Variants in NUP188 observed in about 807,000 individuals in gnomAD.
NUP188 encodes the protein nucleoporin 188.
Under a neutral mutation model 223.0 loss-of-function variants are expected in NUP188, and 97 were observed. That is an observed-to-expected ratio of 0.43 (90% CI 0.37 to 0.51). NUP188 has a LOEUF of 0.51. Among genes scored for constraint, NUP188 ranks in the 20% least tolerant of loss-of-function variants. The pLI is 0.00. For synonymous variants in NUP188, 869 were observed against 828.0 expected, an observed-to-expected ratio of 1.05 and a Z score of -0.85; for missense variants, 1,947 against 2,175.6, an observed-to-expected ratio of 0.89 and a Z score of 2.09.
intron 3 of NUP188, 121 bp downstream of exon 3, chr9:128,952,967 T>G: frequency 1.3e-6 from 1 of 798,180 alleles, no homozygotes; most frequent in East Asian, 2.6e-5. Flanking sequence ...ATAATACAAT[T>G]TAGTTTACCA....
chr9:128,998,667 T>C (rs1842575373), intron 32 of NUP188, 44 bp downstream of exon 32: 1 of 1,480,036 alleles, frequency 6.8e-7, no homozygotes, highest in East Asian at 2.3e-5. Context: ...CAGAGCCTTC[T>C]TGTCAGTGCC....
At chr9:128,999,831 C>A in intron 34 of NUP188, 26 bp downstream of exon 34, 1 of 1,607,588 alleles carries the variant, frequency 6.2e-7, no homozygotes, top group South Asian at 1.1e-5. Flanking sequence ...AGAAGGCCAT[C>A]CGTCCTTTCC....
At position 129,002,840 on chromosome 9, in the gene NUP188, C is replaced by T; in HGVS notation, c.4161C>T (p.Ser1387=). 1 of 1,614,156 alleles carries T rather than the reference C, an allele frequency of 6.2e-7. No individual in the cohort carries two copies. Among genetic ancestry groups the T allele is most frequent in the Non-Finnish European group, 8.5e-7 (1 of 1,180,026 alleles). The change falls in exon 37 of 44, where the codon TCC becomes TCT. Residue 1387 remains serine, a synonymous_variant. Coordinates refer to ENST00000372577, the MANE Select transcript of NUP188 (RefSeq NM_015354.3). ...TAQTPSASRK[S]LDAPSWPGVY... ...AGACACCTAGTGCCTCTCGGAAGTCCCTGGATGCCCCCTCTTGGCCAGGAG... is the reference window on the plus strand; with the variant it reads ...AGACACCTAGTGCCTCTCGGAAGTCTCTGGATGCCCCCTCTTGGCCAGGAG...
chr9:128,952,901 G>A (rs951852869), intron 3 of NUP188, 55 bp downstream of exon 3: 1 of 1,340,676 alleles, frequency 7.5e-7, no homozygotes, highest in African/African-American at 1.4e-5. Context: ...AGCTGACATG[G>A]ATAAAACCAT....
chr9:128,949,375 C>T (rs1312373795), intron 2 of NUP188, 132 bp downstream of exon 2: 8 of 645,540 alleles, frequency 1.2e-5, no homozygotes, highest in Non-Finnish European at 2.2e-5. Context: ...TCTTGTTTCC[C>T]AGGCTGGAGT....
chr9:128,984,157 G>A (rs1184897664), intron 19 of NUP188, among the ~76,000 whole-genome samples: 201 of 96,312 alleles, frequency 2.1e-3, no homozygotes, highest in African/African-American at 0.014. Context: ...ATGGAGTTGC[G>A]CTCTTGTTGC....
chr9:128,951,558 T>A (rs1841786934), intron 2 of NUP188, among the ~76,000 whole-genome samples: 2 of 152,060 alleles, frequency 1.3e-5, no homozygotes. Context: ...TATCAAACAT[T>A]AGAGGAATGG....
intron 39 of NUP188, 26 bp from the exon 40 acceptor site, chr9:129,005,277 C>T (rs762537137): frequency 6.2e-7 from 1 of 1,613,102 alleles, no homozygotes; most frequent in African/African-American, 1.3e-5. Flanking sequence ...TCCCAAGCTC[C>T]ACCTTCATTT....
At chr9:128,964,025 A>G (rs1182699446) in intron 8 of NUP188, among the ~76,000 whole-genome samples, 2 of 152,036 alleles carry the variant, frequency 1.3e-5, no homozygotes, top group South Asian at 2.1e-4. Context: ...CGTGTTAGCC[A>G]GGATGGTCTC....
intron 13 of NUP188, among the ~76,000 whole-genome samples, chr9:128,980,367 A>G (rs538138480): frequency 1.3e-5 from 2 of 152,362 alleles, no homozygotes; most frequent in South Asian, 4.1e-4. Flanking sequence ...TCCCATAGAA[A>G]GGATGGCTGG....
chr9:128,999,522 C>G, intron 33 of NUP188, 102 bp from the exon 34 acceptor site: 2 of 1,275,804 alleles, frequency 1.6e-6, no homozygotes, highest in Non-Finnish European at 1.1e-6. Context: ...TCCCTCCTAG[C>G]GCCCTAGTAC....
At position 128,986,424 on chromosome 9, in the gene NUP188, C is replaced by G. The variant is rs576909390; in HGVS notation, c.2077-134C>G. On this transcript the variant is annotated intron_variant, in intron 20 of 43. Coordinates refer to ENST00000372577, the MANE Select transcript of NUP188 (RefSeq NM_015354.3). ...CTATAAAGTAGGACTTTTGATGTTT[C>G]TTTTTTTTCATTGATGACCAAGGTT... is the stretch of plus-strand genomic sequence containing the variant. The G allele has an allele frequency of 2.2e-5, 21 of 938,600 alleles. No homozygotes were observed. In the African/African-American group the frequency reaches 3.0e-4, roughly 13 times the overall value. The allele number at this position is 938,600 out of a possible 1,614,324, so 58.1% of individuals were successfully genotyped here. A position where few individuals can be genotyped will look rare whatever the true frequency, so the allele number is the denominator to read the frequency against.
At position 128,979,320 on chromosome 9, in the gene NUP188, G is replaced by C; in HGVS notation, c.1262G>C (p.Trp421Ser). Reference protein sequence around the residue: ...LADPSLPELFWGTEPTSGLGI... With the variant: ...LADPSLPELFSGTEPTSGLGI... ...GACCCTTCTCTTCCGGAACTGTTCT[G>C]GGGAACAGTAAGTATGTCAGAGAGA... The change falls in exon 13 of 44, where the codon TGG becomes TCG. Residue 421 changes from tryptophan to serine, a missense_variant. By Grantham distance (177) the Trp-to-Ser change is radical (BLOSUM62 -3). Coordinates refer to ENST00000372577, the MANE Select transcript of NUP188 (RefSeq NM_015354.3). The C allele has an allele frequency of 6.2e-7, 1 of 1,607,406 alleles. No individual in the cohort carries two copies. The highest frequency in any genetic ancestry group is 8.5e-7 in the Non-Finnish European group (1 of 1,174,396).
At chr9:128,963,972 G>T (rs371529609) in intron 8 of NUP188, among the ~76,000 whole-genome samples, 1 of 151,806 alleles carries the variant, frequency 6.6e-6, no homozygotes, top group South Asian at 2.1e-4. Flanking sequence ...ATGCCACCAC[G>T]TCCGGCTAAT....
intron 12 of NUP188, among the ~76,000 whole-genome samples, chr9:128,974,004 G>T (rs1842137721): frequency 6.6e-6 from 1 of 152,054 alleles, no homozygotes; most frequent in Non-Finnish European, 1.5e-5. Context: ...TCTGCCTCCT[G>T]GGTTCAAGCG....
intron 38 of NUP188, 44 bp downstream of exon 38, chr9:129,003,498 G>A (rs1226469027): frequency 3.8e-6 from 6 of 1,599,530 alleles, no homozygotes; most frequent in Middle Eastern, 3.3e-4. Flanking sequence ...GTAATGCTTG[G>A]AGACAGGGAG....
intron 32 of NUP188, among the ~76,000 whole-genome samples, 190 bp downstream of exon 32, chr9:128,998,813 T>C (rs957611762): frequency 6.6e-6 from 1 of 150,536 alleles, no homozygotes; most frequent in African/African-American, 2.4e-5. Flanking sequence ...GGGCAGTGTG[T>C]GGCCTTTTAT....
chr9:128,955,718 A>C (rs1231522518), intron 3 of NUP188, among the ~76,000 whole-genome samples: 1 of 151,724 alleles, frequency 6.6e-6, no homozygotes, highest in Non-Finnish European at 1.5e-5. Context: ...TTTTCACTAT[A>C]AGATGCTTCA....
At chr9:128,990,945 G>GCA (rs1236279980) in intron 25 of NUP188, among the ~76,000 whole-genome samples, 1 of 152,202 alleles carries the variant, frequency 6.6e-6, no homozygotes, top group Non-Finnish European at 1.5e-5. Context: ...TTGAACCCGG[G>GCA]AGGCAGAAGT....
Sources: gnomAD v4.1 joint callset for allele counts (sites outside exome capture counted in the v4.1 genomes callset) on GRCh38, gnomAD v4.1.1 for gene constraint, MANE v1.5 for transcripts, NCBI Gene and HGNC (gene_info 2026-07-23, HGNC 2026-07-21) for gene names.